The following CMIP variants were observed in gnomAD, a reference collection of about 807,000 sequenced individuals.
The protein encoded by CMIP is c-Maf inducing protein, also known as C-Maf-inducing protein.
In CMIP, 13 loss-of-function variants were observed where a neutral mutation model predicts 97.3. The ratio of observed to expected loss-of-function variants is 0.13; its 90% CI spans 0.09 to 0.21. The LOEUF (loss-of-function observed/expected upper bound fraction) is 0.21. CMIP is among the 10% of genes least tolerant of loss of function. The pLI, the probability that CMIP is intolerant of heterozygous loss-of-function variation, is 1.00. For synonymous variants in CMIP, 538 were observed against 436.3 expected (o/e 1.23, Z -2.91); for missense variants, 847 against 1,024.9 (o/e 0.83, Z 2.37).
intron 1 of CMIP, among the ~76,000 whole-genome samples, chr16:81,543,608 C>A (rs2090489758): frequency 2.0e-5 from 3 of 152,166 alleles, no homozygotes; most frequent in Non-Finnish European, 4.4e-5. Flanking sequence ...TTATCTATGA[C>A]CATGGGCTAG....
At chr16:81,667,789 AGAGAGAGAGAGTGTGTGT>A (rs1159062899) in intron 7 of CMIP, among the ~76,000 whole-genome samples, 96 of 109,452 alleles carry the variant, frequency 8.8e-4, no homozygotes, top group African/African-American at 2.7e-3. Flanking sequence ...AGAGAGAGAG[AGAGAGAGAGAGTGTGTGT>A]GTGTGTGTGT....
rs566710637 is a variant in CMIP, at chr16:81,495,464, C to A, written c.300+49923C>A. ...GGGAAGTTACAGATCTCCGCCCTGG[C>A]GTCCGGGGAAGGATGGGACAGGCTG... On this transcript the variant is annotated intron_variant, in intron 1 of 20. Transcript: ENST00000537098. The A allele has an allele frequency of 3.1e-6, 5 of 1,612,680 alleles. No homozygotes were observed. In the South Asian group the frequency reaches 4.4e-5, roughly 14 times the overall value.
At chr16:81,703,560 C>T (rs995628637) in intron 17 of CMIP, among the ~76,000 whole-genome samples, 1 of 151,840 alleles carries the variant, frequency 6.6e-6, no homozygotes, top group Non-Finnish European at 1.5e-5. Flanking sequence ...CATGCATACA[C>T]AAACGTGCAC....
intron 3 of CMIP, among the ~76,000 whole-genome samples, chr16:81,629,842 G>A (rs541659611): frequency 1.4e-4 from 21 of 152,324 alleles, no homozygotes; most frequent in Non-Finnish European, 2.8e-4. Flanking sequence ...GTTGCCCTTC[G>A]GGTCGTTCCC....
rs943900625 is a variant in CMIP, at chr16:81,485,162, T to C, written c.300+39621T>C. ...GCTTGAATAGCTGTGGAGTATTCTA[T>C]TGCGTATGTATACCAGAATGTATTA... On this transcript the variant is annotated intron_variant, in intron 1 of 20. Transcript: ENST00000537098. 1.1e-4 allele frequency among the ~76,000 whole-genome samples: 17 copies of C among 152,232 alleles called. No homozygotes were observed. The South Asian group carries it at 1.9e-3, about 17-fold the overall frequency.
At chr16:81,692,438 A>C (rs1434888594) in intron 11 of CMIP, among the ~76,000 whole-genome samples, 1 of 152,196 alleles carries the variant, frequency 6.6e-6, no homozygotes, top group South Asian at 2.1e-4. Context: ...CCTGAAGAGA[A>C]GGCTTTGTCA....
chr16:81,586,794 C>A (rs1161406492), intron 1 of CMIP, among the ~76,000 whole-genome samples: 1 of 152,174 alleles, frequency 6.6e-6, no homozygotes. Context: ...CCCCACTCAA[C>A]TGTGGAGTCC....
At chr16:81,504,794 G>A (rs2089678426) in intron 1 of CMIP, among the ~76,000 whole-genome samples, 1 of 152,220 alleles carries the variant, frequency 6.6e-6, no homozygotes, top group Non-Finnish European at 1.5e-5. Context: ...AGCCTCTAGG[G>A]AGAGAAATGA....
chr16:81,539,373 G>A (rs1194751479), intron 1 of CMIP, among the ~76,000 whole-genome samples: 2 of 152,130 alleles, frequency 1.3e-5, no homozygotes, highest in South Asian at 2.1e-4. Flanking sequence ...GCTGTTCAGG[G>A]GGTCTTGAAA....
chr16:81,626,786 A>AGTGTGTGT (rs749221024), intron 3 of CMIP, among the ~76,000 whole-genome samples: 11 of 102,508 alleles, frequency 1.1e-4, no homozygotes, highest in East Asian at 8.5e-4. Context: ...AGAGAGAGAG[A>AGTGTGTGT]GAGTGTGTGT....
At chr16:81,499,505 G>A (rs564490124) in intron 1 of CMIP, among the ~76,000 whole-genome samples, 3 of 152,368 alleles carry the variant, frequency 2.0e-5, no homozygotes, top group Admixed American at 2.0e-4. Context: ...GTGGGAGGCA[G>A]CCCTGGCTGA....
chr16:81,669,143 A>C (rs1235838907), intron 7 of CMIP, among the ~76,000 whole-genome samples: 1 of 59,976 alleles, frequency 1.7e-5, no homozygotes, highest in African/African-American at 6.8e-5. Context: ...CACCCACTTC[A>C]TACCTCCTTC....
chr16:81,683,467 G>T (rs1457559780), intron 10 of CMIP, among the ~76,000 whole-genome samples: 4 of 152,152 alleles, frequency 2.6e-5, no homozygotes, highest in Non-Finnish European at 5.9e-5. Flanking sequence ...TCCGCTCACT[G>T]CAACCTCTGC....
chr16:81,520,314 G>A (rs1279874276), intron 1 of CMIP: 1 of 152,102 alleles, frequency 6.6e-6, no homozygotes, highest in Admixed American at 6.6e-5. Flanking sequence ...AGAGACTCTG[G>A]GAGCCACAAA....
intron 1 of CMIP, among the ~76,000 whole-genome samples, chr16:81,528,027 G>C (rs2090165345): frequency 6.6e-6 from 1 of 152,186 alleles, no homozygotes; most frequent in Non-Finnish European, 1.5e-5. Context: ...GGTTGTACCA[G>C]TTTACATTCC....
chr16:81,602,696 C>T (rs766021033), intron 1 of CMIP, among the ~76,000 whole-genome samples: 4 of 152,182 alleles, frequency 2.6e-5, no homozygotes, highest in Non-Finnish European at 4.4e-5. Flanking sequence ...CTGCTCTTAA[C>T]GTTTAGGAAA....
intron 2 of CMIP, among the ~76,000 whole-genome samples, chr16:81,617,975 C>T (rs2091943025): frequency 6.6e-6 from 1 of 152,188 alleles, no homozygotes; most frequent in South Asian, 2.1e-4. Context: ...TTTGTCTTTG[C>T]TTGGCCGTTC....
intron 1 of CMIP, among the ~76,000 whole-genome samples, chr16:81,503,810 CCCCTCCAGAT>C (rs1213160071): frequency 6.6e-6 from 1 of 152,256 alleles, no homozygotes; most frequent in Non-Finnish European, 1.5e-5. Context: ...CCCCATGGCA[CCCCTCCAGAT>C]CCCTGAGCGG....
chr16:81,465,248 C>T (rs1198861872), intron 1 of CMIP, among the ~76,000 whole-genome samples: 2 of 152,110 alleles, frequency 1.3e-5, no homozygotes, highest in Non-Finnish European at 2.9e-5. Flanking sequence ...TTTGCATGTG[C>T]CGTTTTTTCC....
Sources: allele counts gnomAD v4.1 joint callset (sites outside exome capture counted in the v4.1 genomes callset), GRCh38; gene constraint gnomAD v4.1.1; transcripts MANE v1.5; gene names NCBI Gene and HGNC (gene_info 2026-07-23, HGNC 2026-07-21).